Variants in DOCK2 observed in about 807,000 individuals in gnomAD.
DOCK2 encodes dedicator of cytokinesis protein 2.
A neutral mutation model predicts 248.9 loss-of-function variants in DOCK2; 87 were observed. The ratio of observed to expected loss-of-function variants is 0.35; its 90% confidence interval spans 0.29 to 0.42. The LOEUF (loss-of-function observed/expected upper bound fraction) is 0.42. Ranked by LOEUF, DOCK2 falls within the 10% of genes least tolerant of loss-of-function variation. DOCK2 has a pLI of 1.00. For missense variants in DOCK2, 1,747 were observed against 2,300.2 expected (o/e 0.76, Z 4.92); for synonymous variants, 805 against 821.6 (o/e 0.98, Z 0.35).
rs1043681825 is a variant in DOCK2 at position 169,875,353 on chromosome 5, C to A, written c.2799+34501C>A. On this transcript the variant is annotated intron_variant, in intron 27 of 51. Transcript: ENST00000520908. ...GGTTCCGATGCAGATGGTCCACGAC[C>A]ACGCTTTGGGAGCACTGTCTAGGGC... 2.3e-4 allele frequency: 107 copies of A among 456,330 alleles called. 1 individual carries two copies. The Admixed American group carries it at 2.4e-3, about 10-fold the overall frequency. The allele number at this position is 456,330 out of a possible 1,614,324, so 28.3% of individuals were successfully genotyped here.
chr5:169,829,191 T>C (rs1190727631), intron 26 of DOCK2, among the ~76,000 whole-genome samples: 2 of 152,070 alleles, frequency 1.3e-5, no homozygotes, highest in African/African-American at 4.8e-5. Flanking sequence ...CTAGGATGGC[T>C]TTCTGGAAAA....
intron 27 of DOCK2, among the ~76,000 whole-genome samples, chr5:169,872,771 T>C (rs1772066373): frequency 6.6e-6 from 1 of 152,202 alleles, no homozygotes. Context: ...GAAAGTCTTC[T>C]GAAAGTAGGA....
At chr5:169,876,345 G>T (rs996206830) in intron 27 of DOCK2, among the ~76,000 whole-genome samples, 2 of 152,224 alleles carry the variant, frequency 1.3e-5, no homozygotes, top group East Asian at 1.9e-4. Context: ...CCTGGGTTTT[G>T]ATATTTAGCA....
chr5:169,825,740 G>A (rs368237493), intron 26 of DOCK2, among the ~76,000 whole-genome samples: 1 of 150,532 alleles, frequency 6.6e-6, no homozygotes, highest in African/African-American at 2.4e-5. Flanking sequence ...TGCACGTTGT[G>A]CACATGTACC....
At chr5:169,864,330 C>T in intron 27 of DOCK2, 1 of 1,551,606 alleles carries the variant, frequency 6.4e-7, no homozygotes, top group South Asian at 1.2e-5. Context: ...TTAAGTCCTG[C>T]TTTTCCGGGG....
intron 25 of DOCK2, among the ~76,000 whole-genome samples, chr5:169,777,969 A>T (rs1264886996): frequency 6.6e-6 from 1 of 152,204 alleles, no homozygotes; most frequent in Non-Finnish European, 1.5e-5. Flanking sequence ...CTCATTTCTC[A>T]AATGAGAAGC....
At chr5:169,894,376 C>T (rs1339371446) in intron 27 of DOCK2, among the ~76,000 whole-genome samples, 1 of 152,158 alleles carries the variant, frequency 6.6e-6, no homozygotes, top group Non-Finnish European at 1.5e-5. Context: ...CACAGCATGA[C>T]TTGGAAGTAC....
At chr5:169,914,516 A>C (rs1774772660) in intron 27 of DOCK2, among the ~76,000 whole-genome samples, 1 of 152,242 alleles carries the variant, frequency 6.6e-6, no homozygotes. Context: ...GATTCAAAAG[A>C]CCAAGGCTAA....
intron 27 of DOCK2, among the ~76,000 whole-genome samples, chr5:169,849,796 G>A (rs1770525151): frequency 6.6e-6 from 1 of 152,156 alleles, no homozygotes; most frequent in Admixed American, 6.5e-5. Flanking sequence ...TCATCTCCAG[G>A]CACGGTTCAT....
intron 34 of DOCK2, among the ~76,000 whole-genome samples, chr5:170,029,213 A>T (rs1304200023): frequency 6.6e-6 from 1 of 152,178 alleles, no homozygotes; most frequent in Non-Finnish European, 1.5e-5. Context: ...AAGGGTTCCA[A>T]TTTCTCTACA....
At chr5:169,758,928 C>T (rs1349953763) in intron 23 of DOCK2, among the ~76,000 whole-genome samples, 1 of 152,108 alleles carries the variant, frequency 6.6e-6, no homozygotes, top group Non-Finnish European at 1.5e-5. Context: ...CTAAAATATA[C>T]AGAAAAATAA....
chr5:169,763,180 T>C lies in DOCK2; in HGVS notation c.2554+1555T>C, dbSNP rs1581155478. Among the ~76,000 whole-genome samples, 1 of 152,352 alleles carries C rather than the reference T, an allele frequency of 6.6e-6. No individual in the cohort carries two copies. Among genetic ancestry groups the C allele is most frequent in the East Asian group, 1.9e-4 (1 of 5,196 alleles). On this transcript the variant is annotated intron_variant, in intron 25 of 51. Coordinates refer to ENST00000520908, the MANE Select transcript of DOCK2 (RefSeq NM_004946.3). This position sits in a 1 kb window ranked among gnomAD's most constrained non-coding sequence, Gnocchi z 4.1. ...TAATTCTGGTAAGTCTTGTTGCACT[T>C]CTTGTGTCACTGTGCCTTTTTAAAG...
intron 30 of DOCK2, among the ~76,000 whole-genome samples, chr5:170,004,679 A>G (rs1754955681): frequency 1.4e-5 from 2 of 147,576 alleles, no homozygotes; most frequent in South Asian, 2.3e-4. Flanking sequence ...AATGTCCAAC[A>G]ATGATAGACT....
Position 170,050,375 on chromosome 5 carries a change from T to A in DOCK2, c.4191T>A (p.Asp1397Glu), listed in dbSNP as rs1222047929. 5 of 1,613,918 alleles carry A rather than the reference T, an allele frequency of 3.1e-6. No homozygotes were observed. In the East Asian group the frequency reaches 8.9e-5, roughly 29 times the overall value. ...ACACCACCTCTGCCCCGGGAGATGA[T>A]GTGAAGAATGCCCCAGGCCAGTGTA... is the stretch of plus-strand genomic sequence containing the variant. ...KMNTTSAPGD[D>E]VKNAPGQYIQ... Residue 1397 changes from aspartate (D) to glutamate (E), a missense_variant, in exon 41 of 52, where the codon GAT (aspartate) becomes GAA (glutamate). Physicochemically the swap from Asp to Glu is conservative, Grantham distance 45 (BLOSUM62 2). Transcript: ENST00000520908.
At chr5:169,962,112 C>T (rs1378085095) in intron 27 of DOCK2, among the ~76,000 whole-genome samples, 1 of 151,910 alleles carries the variant, frequency 6.6e-6, no homozygotes, top group East Asian at 1.9e-4. Context: ...GGGCTTCACG[C>T]TTTATTGTGG....
At chr5:169,691,642 G>A (rs60056926) in intron 9 of DOCK2, among the ~76,000 whole-genome samples, 4,329 of 152,182 alleles carry the variant, frequency 0.028, 198 homozygotes, top group African/African-American at 0.098. Context: ...TTGAGGTGAC[G>A]TTTAAATTAG....
rs566834461 is a variant in DOCK2 at position 169,639,864 on chromosome 5, G to A, written c.43+2495G>A. On this transcript the variant is annotated intron_variant, in intron 1 of 51. Transcript: ENST00000520908. ...GAGGATGATATATTAGTTTGCTCAG[G>A]CTGCTGTAGCAAAATACCACCAACT... 9.8e-5 allele frequency among the ~76,000 whole-genome samples: 15 copies of A among 152,326 alleles called. 1 individual carries two copies. In the East Asian group the frequency reaches 2.1e-3, roughly 22 times the overall value.
intron 27 of DOCK2, among the ~76,000 whole-genome samples, chr5:169,913,828 G>A (rs887494248): frequency 6.6e-6 from 1 of 152,160 alleles, no homozygotes; most frequent in African/African-American, 2.4e-5. Flanking sequence ...CAACTACAAT[G>A]TTGATCCCAT....
In DOCK2 at chr5:169,661,268, C is replaced by T. The variant is rs374854034; in HGVS notation, c.127+6782C>T. ...ATTGCACAGTTAAGTAGCAGATCTCCAACAAATTCAGACTTTCATTGCAGA... is the reference window on the plus strand; with the variant it reads ...ATTGCACAGTTAAGTAGCAGATCTCTAACAAATTCAGACTTTCATTGCAGA... On this transcript the variant is annotated intron_variant, in intron 2 of 51. Transcript: ENST00000520908. 3.0e-4 allele frequency among the ~76,000 whole-genome samples: 45 copies of T among 152,148 alleles called. 1 individual carries two copies. The highest frequency in any genetic ancestry group is 2.3e-3 in the East Asian group (12 of 5,166).
Sources: allele counts gnomAD v4.1 joint callset (sites outside exome capture counted in the v4.1 genomes callset), GRCh38; gene constraint gnomAD v4.1.1; non-coding constraint Gnocchi (gnomAD v3.1); transcripts MANE v1.5; gene names NCBI Gene and HGNC (gene_info 2026-07-23, HGNC 2026-07-21).